Variants in TMEM178B observed in about 807,000 individuals in gnomAD.
TMEM178B encodes the protein transmembrane protein 178B.
A neutral mutation model predicts 31.0 loss-of-function variants in TMEM178B; 5 were observed. That is an observed-to-expected ratio of 0.16 (90% CI 0.08 to 0.34). The LOEUF is 0.34. Among genes scored for constraint, TMEM178B ranks in the 10% least tolerant of loss-of-function variants. The pLI, the probability that TMEM178B is intolerant of heterozygous loss-of-function variation, is 1.00. For missense variants in TMEM178B, 275 were observed against 400.3 expected (o/e 0.69, Z 2.67); for synonymous variants, 164 against 164.0 (o/e 1.00, Z 0.00).
At chr7:141,395,875 C>T (rs1308477277) in intron 2 of TMEM178B, among the ~76,000 whole-genome samples, 2 of 152,086 alleles carry the variant, frequency 1.3e-5, no homozygotes, top group East Asian at 1.9e-4. Context: ...TAATAAACAG[C>T]GTCACCCACA....
At chr7:141,289,620 C>T (rs1005152876) in intron 2 of TMEM178B, among the ~76,000 whole-genome samples, 1 of 147,016 alleles carries the variant, frequency 6.8e-6, no homozygotes, top group Non-Finnish European at 1.5e-5. Flanking sequence ...GAGGCTGAGG[C>T]AGGAGAATCA....
At position 141,474,409 on chromosome 7, in the gene TMEM178B, T is replaced by C. The variant is rs1342573443; in HGVS notation, c.*3623T>C. The C allele has an allele frequency of 1.3e-5, 2 of 152,218 alleles. No individual in the cohort carries two copies. The highest frequency in any genetic ancestry group is 1.9e-4 in the East Asian group (1 of 5,190). 9.4% of individuals were successfully genotyped at this position (152,218 alleles called of 1,614,324 possible). ...AGCCCCCTTCCTTGTTCATTGTGGC[T>C]GTAGGTTTTATAAGGAGGTCTGTGG... is the stretch of plus-strand genomic sequence containing the variant. On this transcript the variant is annotated 3_prime_UTR_variant, in exon 4 of 4. Coordinates refer to ENST00000565468, the MANE Select transcript of TMEM178B (RefSeq NM_001195278.2).
intron 1 of TMEM178B, among the ~76,000 whole-genome samples, chr7:141,162,567 T>C (rs1254848275): frequency 6.6e-6 from 1 of 152,258 alleles, no homozygotes; most frequent in Admixed American, 6.5e-5. Context: ...TTATAGGATG[T>C]TGACATCTAA....
chr7:141,449,118 C>T (rs913723024), intron 3 of TMEM178B, among the ~76,000 whole-genome samples: 1 of 152,140 alleles, frequency 6.6e-6, no homozygotes, highest in African/African-American at 2.4e-5. Context: ...CAAAAGTCTC[C>T]CTCTCCGTGG....
chr7:141,244,224 G>C (rs113930569), intron 2 of TMEM178B, among the ~76,000 whole-genome samples: 38 of 152,324 alleles, frequency 2.5e-4, no homozygotes, highest in African/African-American at 7.9e-4. Context: ...GAGCTTGGAA[G>C]TATGTCTATG....
chr7:141,129,268 A>C (rs2129177430), intron 1 of TMEM178B, among the ~76,000 whole-genome samples: 1 of 152,354 alleles, frequency 6.6e-6, no homozygotes, highest in South Asian at 2.1e-4. Flanking sequence ...ATTCTCATTT[A>C]CTGCAGCCAT....
intron 1 of TMEM178B, among the ~76,000 whole-genome samples, chr7:141,180,469 A>G (rs1327397411): frequency 6.6e-6 from 1 of 150,692 alleles, no homozygotes; most frequent in East Asian, 1.9e-4. Flanking sequence ...ATCTCAAAAA[A>G]AAAAAAAAAA....
At chr7:141,400,905 G>T (rs1800750504) in intron 2 of TMEM178B, among the ~76,000 whole-genome samples, 2 of 152,206 alleles carry the variant, frequency 1.3e-5, no homozygotes, top group Admixed American at 6.5e-5. Context: ...AGCTTAGATG[G>T]TAACCAGTTG....
intron 1 of TMEM178B, among the ~76,000 whole-genome samples, chr7:141,099,866 G>C (rs1455699776): frequency 7.4e-6 from 1 of 135,196 alleles, no homozygotes; most frequent in African/African-American, 2.8e-5. Context: ...GTCTGGCTTT[G>C]TCGTCCAGGC....
intron 2 of TMEM178B, among the ~76,000 whole-genome samples, chr7:141,228,641 C>T (rs1249034887): frequency 1.3e-5 from 2 of 152,184 alleles, no homozygotes; most frequent in Non-Finnish European, 2.9e-5. Context: ...AGTGCAGCCT[C>T]ATAACAGCTT....
At chr7:141,218,986 C>G (rs968656472) in intron 2 of TMEM178B, among the ~76,000 whole-genome samples, 1 of 152,218 alleles carries the variant, frequency 6.6e-6, no homozygotes, top group Non-Finnish European at 1.5e-5. Context: ...GTCCGTCCTC[C>G]CCCAGCCATC....
At chr7:141,214,347 T>C (rs150408967) in intron 2 of TMEM178B, among the ~76,000 whole-genome samples, 4 of 152,340 alleles carry the variant, frequency 2.6e-5, no homozygotes, top group African/African-American at 9.6e-5. Context: ...GCTGTGTTTC[T>C]TTTTGTGCCA....
chr7:141,508,158 ACTT>A, the TMEM178B span, among the ~76,000 whole-genome samples: 1 of 152,114 alleles, frequency 6.6e-6, no homozygotes, highest in Non-Finnish European at 1.5e-5. Flanking sequence ...CTGCTTAGAA[ACTT>A]CTTCTGCCAG....
At chr7:141,229,189 G>A (rs1338289612) in intron 2 of TMEM178B, among the ~76,000 whole-genome samples, 5 of 151,044 alleles carry the variant, frequency 3.3e-5, no homozygotes, top group Non-Finnish European at 7.4e-5. Flanking sequence ...GGATTCAATT[G>A]GAGGCTGAAT....
intron 2 of TMEM178B, among the ~76,000 whole-genome samples, chr7:141,291,712 G>C (rs1291516638): frequency 6.6e-6 from 1 of 151,944 alleles, no homozygotes; most frequent in Non-Finnish European, 1.5e-5. Flanking sequence ...CAGTTTTGTG[G>C]GAAATGTAGA....
In TMEM178B at chr7:141,344,502, A is replaced by T. The variant is rs1799573350; in HGVS notation, c.497-93106A>T. ...GCACTCTTTTTACTTTGAAATTTTT[A>T]AAAATGTAATTTTAAGACTTTTTAA... On this transcript the variant is annotated intron_variant, in intron 2 of 3. Coordinates refer to ENST00000565468, the MANE Select transcript of TMEM178B (RefSeq NM_001195278.2). The surrounding 1 kb of genome is among the most constrained non-coding windows in gnomAD (Gnocchi z 4.1). Among the ~76,000 whole-genome samples, 1 of 152,194 alleles carries T rather than the reference A, an allele frequency of 6.6e-6. No homozygotes were observed. Among genetic ancestry groups the T allele is most frequent in the Non-Finnish European group, 1.5e-5 (1 of 68,030 alleles).
In TMEM178B at chr7:141,471,296, C is replaced by A. The variant is rs1260747928; in HGVS notation, c.*510C>A. On this transcript the variant is annotated 3_prime_UTR_variant, in exon 4 of 4. Coordinates refer to ENST00000565468, the MANE Select transcript of TMEM178B (RefSeq NM_001195278.2). The surrounding 1 kb of genome is among the most constrained non-coding windows in gnomAD (Gnocchi z 4.1). ...GACTTCCTTCCCAGCCCACCAGCAA[C>A]ACACAAGGAGTGGAAGAGAAAACAA... 4 of 152,216 alleles carry A rather than the reference C, an allele frequency of 2.6e-5. No individual in the cohort carries two copies. The highest frequency in any genetic ancestry group is 2.6e-4 in the Admixed American group (4 of 15,284). The allele number at this position is 152,216 out of a possible 1,614,324, so 9.4% of individuals were successfully genotyped here.
At chr7:141,410,220 G>A (rs1032775495) in intron 2 of TMEM178B, among the ~76,000 whole-genome samples, 2 of 152,198 alleles carry the variant, frequency 1.3e-5, no homozygotes. Flanking sequence ...GGGAGTCTGG[G>A]TCTGCGTAAT....
chr7:141,322,121 C>T (rs114149940), intron 2 of TMEM178B, among the ~76,000 whole-genome samples: 1 of 152,088 alleles, frequency 6.6e-6, no homozygotes, highest in Non-Finnish European at 1.5e-5. Context: ...ACTACCTGCT[C>T]GGTTGTAGAA....
Sources: gnomAD v4.1 joint callset for allele counts (sites outside exome capture counted in the v4.1 genomes callset) on GRCh38, gnomAD v4.1.1 for gene constraint, Gnocchi (gnomAD v3.1) non-coding constraint, MANE v1.5 for transcripts, NCBI Gene and HGNC (gene_info 2026-07-23, HGNC 2026-07-21) for gene names.